The following MYO16 variants were observed in gnomAD, a reference collection of about 807,000 sequenced individuals.
The protein encoded by MYO16 is myosin XVI, also known as unconventional myosin-XVI.
Under a neutral mutation model 205.3 loss-of-function variants are expected in MYO16, and 94 were observed. The observed-to-expected ratio is 0.46, with a 90% CI of 0.39 to 0.54. The LOEUF (loss-of-function observed/expected upper bound fraction) is 0.54, where lower values mean the gene tolerates loss of function less well. MYO16 is among the 20% of genes least tolerant of loss of function. The probability of loss-of-function intolerance (pLI) is 0.00; values close to 1 mark genes in which losing one functional copy is unlikely to be tolerated. For missense variants in MYO16, 2,315 were observed against 2,387.5 expected, an observed-to-expected ratio of 0.97 and a Z score of 0.63; for synonymous variants, 988 against 954.0, an observed-to-expected ratio of 1.04 and a Z score of -0.66.
chr13:108,754,157 C>T (rs1885343101), intron 4 of MYO16, among the ~76,000 whole-genome samples: 1 of 152,034 alleles, frequency 6.6e-6, no homozygotes, highest in Non-Finnish European at 1.5e-5. Context: ...GCATGCAGGA[C>T]AAGTTGTAGC....
chr13:108,507,507 C>A, the MYO16 span, among the ~76,000 whole-genome samples: 2 of 151,998 alleles, frequency 1.3e-5, no homozygotes, highest in Admixed American at 1.3e-4. Context: ...TGGGAGCTCC[C>A]TTTGATGTAC....
At chr13:108,810,252 T>C (rs1887247757) in intron 7 of MYO16, among the ~76,000 whole-genome samples, 1 of 152,226 alleles carries the variant, frequency 6.6e-6, no homozygotes, top group Admixed American at 6.5e-5. Context: ...TTAAGCCTAC[T>C]CAAGTAGTGT....
chr13:108,516,099 C>A, the MYO16 span, among the ~76,000 whole-genome samples: 1 of 150,262 alleles, frequency 6.7e-6, no homozygotes, highest in Non-Finnish European at 1.5e-5. Flanking sequence ...GCAGTTTGAT[C>A]TCAGACTGCT....
intron 22 of MYO16, among the ~76,000 whole-genome samples, chr13:109,010,957 T>TTTTA (rs1885571054): frequency 8.4e-6 from 1 of 118,572 alleles, no homozygotes; most frequent in African/African-American, 3.1e-5. Context: ...ACATATAATA[T>TTTTA]TATATATATA....
At chr13:108,549,663 G>C in the MYO16 span, among the ~76,000 whole-genome samples, 3 of 152,184 alleles carry the variant, frequency 2.0e-5, no homozygotes, top group East Asian at 5.8e-4. Flanking sequence ...GGGATGGAAA[G>C]ACAGTTATAT....
At chr13:109,031,165 C>T (rs372687281) in intron 23 of MYO16, among the ~76,000 whole-genome samples, 2 of 152,242 alleles carry the variant, frequency 1.3e-5, no homozygotes, top group East Asian at 3.9e-4. Flanking sequence ...GATCTCGGCT[C>T]ACTGAAACCT....
At chr13:108,710,851 C>T (rs939449504) in intron 2 of MYO16, among the ~76,000 whole-genome samples, 5 of 152,192 alleles carry the variant, frequency 3.3e-5, no homozygotes, top group Non-Finnish European at 7.3e-5. Flanking sequence ...CACACTTATG[C>T]TATTTCTTTG....
intron 4 of MYO16, among the ~76,000 whole-genome samples, 157 bp from the exon 5 acceptor site, chr13:108,785,478 T>C (rs1435227584): frequency 6.6e-6 from 1 of 152,198 alleles, no homozygotes; most frequent in Non-Finnish European, 1.5e-5. Flanking sequence ...TATATTTGTC[T>C]TAAAAAATAA....
upstream of MYO16, among the ~76,000 whole-genome samples, chr13:108,629,052 T>A (rs145029149): frequency 2.3e-3 from 357 of 152,338 alleles, 6 homozygotes; most frequent in Admixed American, 0.02. Flanking sequence ...ATTTACTTCA[T>A]CCAGTTGGGT....
the MYO16 span, among the ~76,000 whole-genome samples, chr13:108,568,389 C>T: frequency 2.6e-5 from 4 of 152,002 alleles, no homozygotes; most frequent in African/African-American, 9.7e-5. Flanking sequence ...TATAGCCCTC[C>T]TAGTGAGTGT....
chr13:108,635,507 AT>A (rs72321840), intron 1 of MYO16, among the ~76,000 whole-genome samples: 38,823 of 143,330 alleles, frequency 0.27, 5,119 homozygotes, highest in South Asian at 0.44. Context: ...TTACCTATTT[AT>A]TTTTTTTTTT....
chr13:108,758,330 G>A (rs1284892390), intron 4 of MYO16, among the ~76,000 whole-genome samples: 4 of 152,024 alleles, frequency 2.6e-5, no homozygotes, highest in Non-Finnish European at 4.4e-5. Flanking sequence ...GTCAGTAACC[G>A]GTGCCATGTG....
rs377301294 is a variant in MYO16 at position 108,832,601 on chromosome 13, GT to G, written c.1097+9325del. ...CCTCTTTCAGTATTAAAATGTCCCA[GT>G]TGGCACCTTAAGTTCTACTTTCGCA... On this transcript the variant is annotated intron_variant, in intron 9 of 34. Coordinates refer to ENST00000457511, the MANE Select transcript of MYO16 (RefSeq NM_001198950.3). 1.1e-3 allele frequency among the ~76,000 whole-genome samples: 160 copies of G among 152,230 alleles called. 1 individual carries two copies. Among genetic ancestry groups the G allele is most frequent in the African/African-American group, 3.7e-3 (154 of 41,532 alleles).
At chr13:108,560,983 T>G in the MYO16 span, among the ~76,000 whole-genome samples, 5 of 152,206 alleles carry the variant, frequency 3.3e-5, no homozygotes, top group African/African-American at 1.2e-4. Context: ...GTCACCATAA[T>G]CTTTTATGAT....
At chr13:108,747,240 A>C (rs887511612) in intron 4 of MYO16, among the ~76,000 whole-genome samples, 1 of 152,208 alleles carries the variant, frequency 6.6e-6, no homozygotes, top group Non-Finnish European at 1.5e-5. Flanking sequence ...AACATTGAAG[A>C]AGAAATAAAG....
intron 1 of MYO16, among the ~76,000 whole-genome samples, chr13:108,620,018 G>A (rs2139333100): frequency 6.6e-6 from 1 of 152,208 alleles, no homozygotes; most frequent in South Asian, 2.1e-4. Flanking sequence ...GAATGACTTG[G>A]TCAACAGAGT....
intron 25 of MYO16, among the ~76,000 whole-genome samples, chr13:109,054,053 T>C (rs1887335907): frequency 6.6e-6 from 1 of 152,126 alleles, no homozygotes; most frequent in Non-Finnish European, 1.5e-5. Flanking sequence ...GATCAATAAG[T>C]CCATTAGTCT....
At chr13:108,876,238 CA>C (rs1162704898) in intron 12 of MYO16, among the ~76,000 whole-genome samples, 1 of 152,114 alleles carries the variant, frequency 6.6e-6, no homozygotes, top group Non-Finnish European at 1.5e-5. Flanking sequence ...ATGCAACAGA[CA>C]GTTGTGTGCC....
At chr13:109,181,240 GCA>G (rs1477968841) in intron 34 of MYO16, among the ~76,000 whole-genome samples, 1 of 147,990 alleles carries the variant, frequency 6.8e-6, no homozygotes, top group East Asian at 2.2e-4. Context: ...TCATCTTGGG[GCA>G]CATTCTTTTT....
Sources: gnomAD v4.1 joint callset for allele counts (sites outside exome capture counted in the v4.1 genomes callset) on GRCh38, gnomAD v4.1.1 for gene constraint, MANE v1.5 for transcripts, NCBI Gene and HGNC (gene_info 2026-07-23, HGNC 2026-07-21) for gene names.